The following LMNTD1 variants were observed in gnomAD, a reference collection of about 807,000 sequenced individuals.
The protein encoded by LMNTD1 is lamin tail domain-containing protein 1.
Under a neutral mutation model 50.9 loss-of-function variants are expected in LMNTD1, and 35 were observed. That is an observed-to-expected ratio of 0.69 (90% CI 0.53 to 0.91). The LOEUF (loss-of-function observed/expected upper bound fraction) is 0.91. Among genes scored for constraint, LMNTD1 ranks in the 40% least tolerant of loss-of-function variants. The pLI is 0.00. For synonymous variants in LMNTD1, 153 were observed against 161.9 expected (o/e 0.94, Z 0.42); for missense variants, 470 against 475.5 (o/e 0.99, Z 0.11).
At chr12:25,563,078 C>A (rs899868999) in intron 1 of LMNTD1, among the ~76,000 whole-genome samples, 1 of 152,136 alleles carries the variant, frequency 6.6e-6, no homozygotes, top group Non-Finnish European at 1.5e-5. Context: ...GTGATGGGTT[C>A]GAACATCCTC....
chr12:25,624,047 C>T, intron 1 of LMNTD1, among the ~76,000 whole-genome samples: 1 of 152,168 alleles, frequency 6.6e-6, no homozygotes. Flanking sequence ...GCCTGTGTGC[C>T]TCAGAGCCCA....
chr12:25,596,704 A>G (rs1439991296), intron 1 of LMNTD1, among the ~76,000 whole-genome samples: 3 of 152,082 alleles, frequency 2.0e-5, no homozygotes, highest in African/African-American at 7.2e-5. Context: ...TTGATGATCA[A>G]AAAGAAATCA....
intron 8 of LMNTD1, among the ~76,000 whole-genome samples, chr12:25,514,920 G>C (rs1940641658): frequency 6.6e-6 from 1 of 152,158 alleles, no homozygotes; most frequent in African/African-American, 2.4e-5. Context: ...AAAGTTAGGT[G>C]AGAATAAGGG....
At chr12:25,558,165 C>G (rs1944118915), upstream of LMNTD1, among the ~76,000 whole-genome samples, 1 of 152,080 alleles carries the variant, frequency 6.6e-6, no homozygotes, top group Non-Finnish European at 1.5e-5. Flanking sequence ...TTATTTGGAT[C>G]TTCTCTTTTA....
At chr12:25,520,139 G>GATATAAAT in intron 6 of LMNTD1, 64 bp from the exon 7 acceptor site, 1 of 150,402 alleles carries the variant, frequency 6.6e-6, no homozygotes. Context: ...GCTGTTATGA[G>GATATAAAT]ATATACATAT....
intron 9 of LMNTD1, among the ~76,000 whole-genome samples, chr12:25,493,374 C>A (rs540574334): frequency 2.6e-5 from 4 of 152,098 alleles, no homozygotes; most frequent in Non-Finnish European, 4.4e-5. Flanking sequence ...AGTGACTAAA[C>A]GAAGAGGGAA....
chr12:25,594,581 A>C (rs572588522), intron 1 of LMNTD1, among the ~76,000 whole-genome samples: 1 of 151,664 alleles, frequency 6.6e-6, no homozygotes, highest in South Asian at 2.1e-4. Flanking sequence ...TCTTGAAACA[A>C]ATCCTGGGAA....
At chr12:25,544,049 C>T (rs1943270696) in intron 4 of LMNTD1, among the ~76,000 whole-genome samples, 1 of 151,882 alleles carries the variant, frequency 6.6e-6, no homozygotes, top group Non-Finnish European at 1.5e-5. Flanking sequence ...GTATATTCTG[C>T]AGCAATTGGG....
intron 1 of LMNTD1, among the ~76,000 whole-genome samples, chr12:25,628,801 T>TG (rs1391378062): frequency 6.6e-6 from 1 of 152,204 alleles, no homozygotes; most frequent in African/African-American, 2.4e-5. Context: ...GAACCAGCCC[T>TG]GCCAACACCT....
chr12:25,484,186 ATT>A (rs1938535838), intron 9 of LMNTD1, among the ~76,000 whole-genome samples: 1 of 152,018 alleles, frequency 6.6e-6, no homozygotes, highest in African/African-American at 2.4e-5. Flanking sequence ...TTTCTAAATT[ATT>A]TTTGTTTTTA....
chr12:25,577,782 C>CCAG (rs1252063648), intron 1 of LMNTD1, among the ~76,000 whole-genome samples: 1 of 152,162 alleles, frequency 6.6e-6, no homozygotes, highest in East Asian at 1.9e-4. Context: ...GGGAATGCTT[C>CCAG]CAGTTTTTGC....
intron 1 of LMNTD1, among the ~76,000 whole-genome samples, chr12:25,581,461 G>A (rs550267435): frequency 2.0e-5 from 3 of 152,196 alleles, no homozygotes; most frequent in Admixed American, 1.3e-4. Context: ...TAGGAAAGGC[G>A]ATTCTAAGAC....
chr12:25,548,957 T>A (rs954150883), intron 3 of LMNTD1, among the ~76,000 whole-genome samples: 1 of 151,984 alleles, frequency 6.6e-6, no homozygotes, highest in African/African-American at 2.4e-5. Context: ...AAATACACAA[T>A]CCTTCTGGTA....
chr12:25,558,629 C>T lies in LMNTD1; in HGVS notation c.59-12075G>A, dbSNP rs551927794. Among the ~76,000 whole-genome samples, 44 of 152,274 alleles carry T rather than the reference C, an allele frequency of 2.9e-4. 1 individual carries two copies. In the South Asian group the frequency reaches 7.5e-3, roughly 26 times the overall value. ...CACTGGGTAATTTATAAAGAAAAGACGTTTAATGGCCTCACATTTCCACAT... is the reference window on the plus strand; with the variant it reads ...CACTGGGTAATTTATAAAGAAAAGATGTTTAATGGCCTCACATTTCCACAT... On this transcript the variant is annotated intron_variant, in intron 1 of 7. Transcript: ENST00000445693.
At chr12:25,531,450 G>A (rs561074764) in intron 4 of LMNTD1, among the ~76,000 whole-genome samples, 2 of 152,058 alleles carry the variant, frequency 1.3e-5, no homozygotes, top group Non-Finnish European at 2.9e-5. Flanking sequence ...CTAGTGTCTC[G>A]TTATTCTATT....
At chr12:25,519,586 T>TCAAAAAAAAAAAAA (rs1941121885) in intron 7 of LMNTD1, among the ~76,000 whole-genome samples, 1 of 74,956 alleles carries the variant, frequency 1.3e-5, no homozygotes, top group Non-Finnish European at 2.3e-5. Flanking sequence ...AGACTCTGTC[T>TCAAAAAAAAAAAAA]CAAAAAAAAA....
intron 6 of LMNTD1, among the ~76,000 whole-genome samples, chr12:25,523,281 C>A (rs1286283315): frequency 6.6e-6 from 1 of 152,176 alleles, no homozygotes; most frequent in Non-Finnish European, 1.5e-5. Flanking sequence ...ATCCGCCCGC[C>A]TCGGCCTCCC....
intron 1 of LMNTD1, among the ~76,000 whole-genome samples, chr12:25,628,013 C>T (rs1592119169): frequency 7.2e-6 from 1 of 138,536 alleles, no homozygotes; most frequent in East Asian, 2.3e-4. Flanking sequence ...GAGGCTGAGG[C>T]AGGAGAATGG....
chr12:25,603,260 T>C (rs1196595525), intron 1 of LMNTD1, among the ~76,000 whole-genome samples: 8 of 152,048 alleles, frequency 5.3e-5, no homozygotes, highest in African/African-American at 1.4e-4. Flanking sequence ...AATATCTCAA[T>C]AGGAATATTG....
Sources: allele counts gnomAD v4.1 joint callset (sites outside exome capture counted in the v4.1 genomes callset), GRCh38; gene constraint gnomAD v4.1.1; transcripts MANE v1.5; gene names NCBI Gene and HGNC (gene_info 2026-07-23, HGNC 2026-07-21).